The following COP1 variants were observed in gnomAD, a reference collection of about 807,000 sequenced individuals.
COP1 encodes the protein E3 ubiquitin-protein ligase COP1.
Under a neutral mutation model 101.3 loss-of-function variants are expected in COP1, and 24 were observed. That is an observed-to-expected ratio of 0.24 (90% confidence interval 0.17 to 0.33). The LOEUF (loss-of-function observed/expected upper bound fraction) is 0.33, where lower values mean the gene tolerates loss of function less well. COP1 is among the 10% of genes least tolerant of loss of function. COP1 has a pLI of 1.00. For missense variants in COP1, 663 were observed against 906.2 expected (o/e 0.73, Z 3.45); for synonymous variants, 347 against 341.9 (o/e 1.01, Z -0.17).
chr1:175,979,546 A>G (rs1655322547), intron 18 of COP1, among the ~76,000 whole-genome samples: 1 of 151,976 alleles, frequency 6.6e-6, no homozygotes, highest in African/African-American at 2.4e-5. Context: ...GTGATGGAGA[A>G]GGGAAGGGAG....
chr1:176,179,058 G>A lies in COP1; in HGVS notation c.468-3051C>T, dbSNP rs187308628. Reference sequence around the variant, plus strand: ...TAATCCCAGCACTTTGGGAGGCCACGGTGGGTGGATCACTTGAGGTCATGA... The same window carrying A: ...TAATCCCAGCACTTTGGGAGGCCACAGTGGGTGGATCACTTGAGGTCATGA... On this transcript the variant is annotated intron_variant, in intron 2 of 19. Transcript: ENST00000367669. Among the ~76,000 whole-genome samples, 123 of 151,844 alleles carry A rather than the reference G, an allele frequency of 8.1e-4. 1 individual carries two copies. Among genetic ancestry groups the A allele is most frequent in the Non-Finnish European group, 1.0e-3 (68 of 67,932 alleles).
rs1657299815 is a variant in COP1 at position 175,987,086 on chromosome 1, G to A, written c.1990C>T (p.Leu664Phe). The A allele has an allele frequency of 6.6e-7, 1 of 1,509,438 alleles. No individual in the cohort carries two copies. Among genetic ancestry groups the A allele is most frequent in the South Asian group, 1.2e-5 (1 of 81,516 alleles). 93.5% of individuals were successfully genotyped at this position (1,509,438 alleles called of 1,614,324 possible). A position where few individuals can be genotyped will look rare whatever the true frequency, so the allele number is the denominator to read the frequency against. Reference protein sequence around the residue: ...YIACGSENNSLYLYYKGLSKT... With the variant: ...YIACGSENNSFYLYYKGLSKT... ...GAAAGTCCTTTATAGTACAGGTAGA[G>A]AGAGTTATTTTCACTTCCTGAAAAC... The change falls in exon 18 of 20, where the codon CTC (leucine) becomes TTC (phenylalanine). Residue 664 changes from leucine (L) to phenylalanine (F), a missense_variant. Transcript: ENST00000367669.
At chr1:176,049,192 A>AG (rs1475823867) in intron 11 of COP1, among the ~76,000 whole-genome samples, 1 of 151,052 alleles carries the variant, frequency 6.6e-6, no homozygotes, top group African/African-American at 2.4e-5. Flanking sequence ...AAAAAAAAAA[A>AG]AAAAAAAAAA....
chr1:176,127,588 T>C (rs1288968670), intron 8 of COP1, among the ~76,000 whole-genome samples: 2 of 117,540 alleles, frequency 1.7e-5, no homozygotes, highest in Non-Finnish European at 3.8e-5. Context: ...TGTGTGTGTG[T>C]GTATGTGTAT....
chr1:176,184,094 C>G (rs531135067), intron 2 of COP1, among the ~76,000 whole-genome samples: 110 of 151,106 alleles, frequency 7.3e-4, no homozygotes, highest in African/African-American at 2.6e-3. Flanking sequence ...ACTAAAGAAC[C>G]AGAAAAAAAT....
chr1:176,070,224 C>T (rs996929776), intron 11 of COP1, among the ~76,000 whole-genome samples: 1 of 152,076 alleles, frequency 6.6e-6, no homozygotes, highest in Non-Finnish European at 1.5e-5. Flanking sequence ...AAATCAATCA[C>T]GAAGTTCTGG....
chr1:175,949,626 T>C (rs1265583227), intron 18 of COP1, among the ~76,000 whole-genome samples: 2 of 152,176 alleles, frequency 1.3e-5, no homozygotes, highest in African/African-American at 4.8e-5. Flanking sequence ...TAGTTGCCAT[T>C]CAAGGAGGGG....
intron 14 of COP1, among the ~76,000 whole-genome samples, chr1:176,028,892 G>GGT (rs1668199077): frequency 6.6e-6 from 1 of 151,242 alleles, no homozygotes; most frequent in African/African-American, 2.4e-5. Flanking sequence ...CGGGTAGCTA[G>GGT]GTGTGTGTCA....
intron 11 of COP1, among the ~76,000 whole-genome samples, chr1:176,059,674 G>C (rs1283442784): frequency 1.3e-5 from 2 of 151,882 alleles, no homozygotes; most frequent in Non-Finnish European, 2.9e-5. Context: ...GTAGAGACGG[G>C]GTTTCACCAT....
chr1:175,989,802 CATT>C (rs1312285294), intron 15 of COP1, among the ~76,000 whole-genome samples: 1 of 151,952 alleles, frequency 6.6e-6, no homozygotes. Context: ...TTTAAAAAAC[CATT>C]ATTTAGATAT....
chr1:176,089,738 C>G (rs187556378), intron 9 of COP1, among the ~76,000 whole-genome samples: 1 of 152,250 alleles, frequency 6.6e-6, no homozygotes, highest in East Asian at 1.9e-4. Flanking sequence ...GCCCTACAAA[C>G]GATAAAATCT....
At chr1:176,015,770 C>T (rs1665516190) in intron 15 of COP1, among the ~76,000 whole-genome samples, 1 of 151,930 alleles carries the variant, frequency 6.6e-6, no homozygotes, top group African/African-American at 2.4e-5. Context: ...AAAGAACAGA[C>T]TAGATCAATT....
chr1:175,963,658 C>A (rs537043883), intron 18 of COP1, among the ~76,000 whole-genome samples: 16 of 152,174 alleles, frequency 1.1e-4, no homozygotes, highest in African/African-American at 3.9e-4. Flanking sequence ...GGTCTTTTGT[C>A]CAGGTACCTT....
At chr1:176,022,315 T>C (rs188350300) in intron 15 of COP1, among the ~76,000 whole-genome samples, 2 of 152,344 alleles carry the variant, frequency 1.3e-5, no homozygotes, top group East Asian at 1.9e-4. Flanking sequence ...CACAGTGCCC[T>C]TGCAACAGGA....
Position 176,081,237 on chromosome 1 carries a change from T to G in COP1, c.1192A>C (p.Lys398Gln). The G allele has an allele frequency of 6.2e-7, 1 of 1,609,532 alleles. No individual in the cohort carries two copies. Among genetic ancestry groups the G allele is most frequent in the South Asian group, 1.1e-5 (1 of 90,582 alleles). Residue 398 changes from lysine (K) to glutamine (Q), a missense_variant, in exon 11 of 20, where the codon AAG becomes CAG. Coordinates refer to ENST00000367669, the MANE Select transcript of COP1 (RefSeq NM_022457.7). ...CGTACTGAATTATATCGAGTAAACT[T>G]GGACAAGCATTCCTGAAATTCATCC... The part of the protein sequence containing the change: ...QLDEFQECLS[K>Q]FTRYNSVRPL...
Position 175,951,437 on chromosome 1 carries a change from A to AATATATATATATAT in COP1, c.2134-4212_2134-4199dup, listed in dbSNP as rs765055146. Among the ~76,000 whole-genome samples, 184 of 108,004 alleles carry AATATATATATATAT rather than the reference A, an allele frequency of 1.7e-3. 2 individuals carry two copies. The highest frequency in any genetic ancestry group is 3.8e-3 in the African/African-American group (111 of 29,324). 70.9% of individuals were successfully genotyped at this position (108,004 alleles called of 152,430 possible). On this transcript the variant is annotated intron_variant, in intron 18 of 19. Transcript: ENST00000367669. ...AATGTATTTAAATATAAGATACGTGAATATATATATATATATATATATATA... is the reference window on the plus strand; with the variant it reads ...AATGTATTTAAATATAAGATACGTGAATATATATATATATATATATATATATATATATATATATA...
chr1:175,953,408 G>A (rs973414026), intron 18 of COP1, among the ~76,000 whole-genome samples: 2 of 151,958 alleles, frequency 1.3e-5, no homozygotes, highest in African/African-American at 4.8e-5. Context: ...TAATTAAAAG[G>A]CAGAGATTAT....
intron 6 of COP1, among the ~76,000 whole-genome samples, chr1:176,142,315 CAAT>C (rs1417902813): frequency 6.6e-6 from 1 of 151,720 alleles, no homozygotes; most frequent in Non-Finnish European, 1.5e-5. Flanking sequence ...AGAAAAGCAA[CAAT>C]AATAAAAAAA....
At chr1:176,026,861 A>G (rs1667757746) in intron 15 of COP1, among the ~76,000 whole-genome samples, 1 of 152,102 alleles carries the variant, frequency 6.6e-6, no homozygotes, top group African/African-American at 2.4e-5. Context: ...TAAATATTCA[A>G]GGGGGAAAAT....
Sources: allele counts gnomAD v4.1 joint callset (sites outside exome capture counted in the v4.1 genomes callset), GRCh38; gene constraint gnomAD v4.1.1; transcripts MANE v1.5; gene names NCBI Gene and HGNC (gene_info 2026-07-23, HGNC 2026-07-21).